The following MAP3K13 variants were observed in gnomAD, a reference collection of about 807,000 sequenced individuals.
The protein encoded by MAP3K13 is leucine zipper-bearing kinase.
MAP3K13 carries 52 observed loss-of-function variants against 104.0 expected under a neutral mutation model. The ratio of observed to expected loss-of-function variants is 0.50; its 90% CI spans 0.40 to 0.63. The LOEUF (loss-of-function observed/expected upper bound fraction) is 0.63, where lower values mean the gene tolerates loss of function less well. MAP3K13 is among the 20% of genes least tolerant of loss of function. The probability of loss-of-function intolerance (pLI) is 0.00; values close to 1 mark genes in which losing one functional copy is unlikely to be tolerated. For synonymous variants in MAP3K13, 394 were observed against 442.2 expected (o/e 0.89, Z 1.37); for missense variants, 914 against 1,218.5 (o/e 0.75, Z 3.72).
intron 2 of MAP3K13, among the ~76,000 whole-genome samples, chr3:185,351,263 G>A (rs1009910841): frequency 3.3e-5 from 5 of 152,144 alleles, no homozygotes; most frequent in Non-Finnish European, 5.9e-5. Context: ...TATTACCTGG[G>A]TGATGAAATA....
intron 7 of MAP3K13, 95 bp downstream of exon 7, chr3:185,451,490 T>A (rs568838812): frequency 2.2e-4 from 173 of 777,466 alleles, no homozygotes; most frequent in Non-Finnish European, 3.6e-4. Flanking sequence ...GTGTTTGTTA[T>A]AATAGTTATA....
chr3:185,291,541 AG>A, intron 2 of MAP3K13: 1 of 1,318,458 alleles, frequency 7.6e-7, no homozygotes, highest in Non-Finnish European at 1.0e-6. Flanking sequence ...ACCCAAAAGT[AG>A]TTTTTAATTT....
intron 2 of MAP3K13, among the ~76,000 whole-genome samples, chr3:185,321,131 CAT>C (rs762157044): frequency 8.0e-5 from 12 of 150,648 alleles, no homozygotes; most frequent in East Asian, 2.0e-4. Flanking sequence ...CACATATACA[CAT>C]GTGTATATTA....
chr3:185,344,740 C>T (rs1467034018), intron 2 of MAP3K13, among the ~76,000 whole-genome samples: 2 of 152,134 alleles, frequency 1.3e-5, no homozygotes, highest in Admixed American at 6.5e-5. Context: ...TCATTTCTAG[C>T]GACTGTTTCC....
intron 1 of MAP3K13, among the ~76,000 whole-genome samples, chr3:185,376,206 G>C (rs1004709620): frequency 2.0e-5 from 3 of 152,194 alleles, no homozygotes; most frequent in Non-Finnish European, 4.4e-5. Flanking sequence ...AGGCTGGAAT[G>C]AAGTCCGGGC....
chr3:185,442,038 CAAAAAAAAA>C (rs749288252), intron 3 of MAP3K13, among the ~76,000 whole-genome samples: 2 of 107,472 alleles, frequency 1.9e-5, no homozygotes, highest in African/African-American at 7.3e-5. Context: ...GACTCTGTCT[CAAAAAAAAA>C]AAAAAAAAAT....
At chr3:185,438,552 G>A (rs1715168077) in intron 3 of MAP3K13, among the ~76,000 whole-genome samples, 1 of 152,156 alleles carries the variant, frequency 6.6e-6, no homozygotes, top group South Asian at 2.1e-4. Flanking sequence ...TAAGTCATAT[G>A]TTATATTCAT....
At chr3:185,393,568 C>T (rs1712201152) in intron 1 of MAP3K13, among the ~76,000 whole-genome samples, 1 of 151,654 alleles carries the variant, frequency 6.6e-6, no homozygotes, top group South Asian at 2.1e-4. Flanking sequence ...ACGCCATTCT[C>T]CTGCCTCAGC....
chr3:185,299,582 C>T (rs1721031765), intron 2 of MAP3K13, among the ~76,000 whole-genome samples: 1 of 5,858 alleles, frequency 1.7e-4, no homozygotes, highest in Non-Finnish European at 6.5e-4. Context: ...TTTTTTGAGA[C>T]GGAGTCTCGC....
At chr3:185,460,085 TACC>T (rs1166428076) in intron 7 of MAP3K13, among the ~76,000 whole-genome samples, 1 of 152,210 alleles carries the variant, frequency 6.6e-6, no homozygotes, top group Non-Finnish European at 1.5e-5. Context: ...ATGGTATATA[TACC>T]ACATTTTGTT....
chr3:185,387,194 T>A (rs1356804719), intron 1 of MAP3K13, among the ~76,000 whole-genome samples: 1 of 152,170 alleles, frequency 6.6e-6, no homozygotes, highest in African/African-American at 2.4e-5. Context: ...GAAATTTGAT[T>A]TTCAGTGTTG....
intron 1 of MAP3K13, among the ~76,000 whole-genome samples, chr3:185,411,781 CTTTTTTTT>C: frequency 1.1e-5 from 1 of 94,060 alleles, no homozygotes; most frequent in East Asian, 2.9e-4. Flanking sequence ...GCAGTTATGT[CTTTTTTTT>C]TTTTTTTTTT....
chr3:185,310,523 G>A (rs963434575), intron 2 of MAP3K13, among the ~76,000 whole-genome samples: 5 of 152,236 alleles, frequency 3.3e-5, no homozygotes, highest in South Asian at 4.1e-4. Context: ...ATGAACAGTT[G>A]GGGAATTTCA....
chr3:185,306,638 G>T (rs567371752), intron 2 of MAP3K13, among the ~76,000 whole-genome samples: 1 of 152,124 alleles, frequency 6.6e-6, no homozygotes, highest in Admixed American at 6.6e-5. Flanking sequence ...TTTGACTTTT[G>T]CTTGTTGAAT....
chr3:185,409,054 G>A (rs12495216), intron 1 of MAP3K13, among the ~76,000 whole-genome samples: 25,292 of 152,180 alleles, frequency 0.17, 2,204 homozygotes, highest in African/African-American at 0.23. Flanking sequence ...GATTCAAGGA[G>A]CGTGTGTCCT....
intron 1 of MAP3K13, among the ~76,000 whole-genome samples, chr3:185,384,956 T>C (rs571681216): frequency 1.1e-4 from 17 of 152,184 alleles, no homozygotes; most frequent in Non-Finnish European, 2.5e-4. Flanking sequence ...TTCAGTGTAG[T>C]CCTGTTTTTC....
chr3:185,482,606 A>G lies in MAP3K13; in HGVS notation c.*150A>G. 1.8e-6 allele frequency: 1 copy of G among 567,642 alleles called. No individual in the cohort carries two copies. Among genetic ancestry groups the G allele is most frequent in the Non-Finnish European group, 3.1e-6 (1 of 319,792 alleles). 35.2% of individuals were successfully genotyped at this position (567,642 alleles called of 1,614,324 possible). On this transcript the variant is annotated 3_prime_UTR_variant, in exon 14 of 14. Coordinates refer to ENST00000265026, the MANE Select transcript of MAP3K13 (RefSeq NM_004721.5). This position sits in a 1 kb window ranked among gnomAD's most constrained non-coding sequence, Gnocchi z 4.5. Reference sequence around the variant, plus strand: ...CCCCCTAGAAATGAGCTGCAATAACAGGAACATGAGACTTCGCAAATCTCT... The same window carrying G: ...CCCCCTAGAAATGAGCTGCAATAACGGGAACATGAGACTTCGCAAATCTCT...
chr3:185,299,874 C>T (rs1328500041), intron 2 of MAP3K13, among the ~76,000 whole-genome samples: 3 of 151,172 alleles, frequency 2.0e-5, no homozygotes, highest in Admixed American at 6.6e-5. Context: ...CCCTCTCTCT[C>T]TCTTTTTAAA....
rs538181939 is a variant in MAP3K13 at position 185,469,304 on chromosome 3, C to G, written c.1643+2341C>G. ...CAGTCCAAAAAGATAGTCTAAATAC[C>G]CTGTAATAATGAGAGGCTTGAAATG... On this transcript the variant is annotated intron_variant, in intron 10 of 13. Transcript: ENST00000265026. Among the ~76,000 whole-genome samples the G allele has an allele frequency of 9.8e-4, 149 of 152,208 alleles. 4 individuals carry two copies. The Middle Eastern group carries it at 0.017, about 17-fold the overall frequency.
Sources: allele counts gnomAD v4.1 joint callset (sites outside exome capture counted in the v4.1 genomes callset), GRCh38; gene constraint gnomAD v4.1.1; non-coding constraint Gnocchi (gnomAD v3.1); transcripts MANE v1.5; gene names NCBI Gene and HGNC (gene_info 2026-07-23, HGNC 2026-07-21).